The following GRIN2B variants were observed in gnomAD, a reference collection of about 807,000 sequenced individuals.
GRIN2B encodes the protein glutamate ionotropic receptor NMDA type subunit 2B.
Under a neutral mutation model 114.5 loss-of-function variants are expected in GRIN2B, and 5 were observed. That is an observed-to-expected ratio of 0.04 (90% CI 0.02 to 0.09). GRIN2B has a LOEUF of 0.09. GRIN2B is among the 10% of genes least tolerant of loss of function. The pLI is 1.00. For missense variants in GRIN2B, 1,108 were observed against 1,943.5 expected (o/e 0.57, Z 8.08); for synonymous variants, 787 against 745.1 (o/e 1.06, Z -0.92).
intron 2 of GRIN2B, among the ~76,000 whole-genome samples, chr12:13,945,150 A>G (rs553522822): frequency 1.2e-3 from 180 of 152,322 alleles, no homozygotes; most frequent in Non-Finnish European, 1.5e-3. Context: ...CAGGGTCTAA[A>G]CAAATTGTGG....
chr12:13,770,901 T>C (rs889665384), intron 3 of GRIN2B, among the ~76,000 whole-genome samples: 25 of 152,168 alleles, frequency 1.6e-4, no homozygotes, highest in Non-Finnish European at 4.4e-5. Context: ...CTACAAAGTT[T>C]TACTCCCCGT....
chr12:13,570,949 G>C (rs1948699771), intron 11 of GRIN2B, among the ~76,000 whole-genome samples: 1 of 152,218 alleles, frequency 6.6e-6, no homozygotes, highest in Non-Finnish European at 1.5e-5. Flanking sequence ...AGTGGGTGTA[G>C]CAGTGGTCAG....
In GRIN2B at chr12:13,545,937, T is replaced by A. The variant is rs1221485843; in HGVS notation, c.*16846A>T. 2 of 152,228 alleles carry A rather than the reference T, an allele frequency of 1.3e-5. No homozygotes were observed. The highest frequency in any genetic ancestry group is 4.8e-5 in the African/African-American group (2 of 41,458). 9.4% of individuals were successfully genotyped at this position (152,228 alleles called of 1,614,324 possible). On this transcript the variant is annotated 3_prime_UTR_variant, in exon 14 of 14. Transcript: ENST00000609686. ...AATTCCATGTTAATATGTGTAAGAC[T>A]CAGGATTAAATCAATCTGTAAAATG... is the stretch of plus-strand genomic sequence containing the variant.
chr12:13,649,140 T>G (rs1949791292), intron 5 of GRIN2B, among the ~76,000 whole-genome samples: 1 of 152,022 alleles, frequency 6.6e-6, no homozygotes, highest in Admixed American at 6.6e-5. Context: ...TGCCAGGGGT[T>G]GTTAGGAATA....
chr12:13,872,460 A>G (rs1215902377), intron 2 of GRIN2B, among the ~76,000 whole-genome samples: 1 of 151,884 alleles, frequency 6.6e-6, no homozygotes, highest in Non-Finnish European at 1.5e-5. Context: ...GACTCAAAAA[A>G]AAAAAAAAAA....
intron 3 of GRIN2B, among the ~76,000 whole-genome samples, chr12:13,851,942 G>C (rs1047663271): frequency 2.0e-5 from 3 of 152,132 alleles, no homozygotes; most frequent in Non-Finnish European, 4.4e-5. Flanking sequence ...AGGAGGAGGA[G>C]GGTGGGTGGG....
At chr12:13,843,306 T>A (rs1451080446) in intron 3 of GRIN2B, among the ~76,000 whole-genome samples, 2 of 151,922 alleles carry the variant, frequency 1.3e-5, no homozygotes, top group African/African-American at 4.8e-5. Flanking sequence ...GATTGCTGAT[T>A]ACTATGAGTG....
At chr12:13,968,272 G>C (rs1452147279) in intron 2 of GRIN2B, among the ~76,000 whole-genome samples, 1 of 152,214 alleles carries the variant, frequency 6.6e-6, no homozygotes, top group Non-Finnish European at 1.5e-5. Context: ...TGGCTATTTG[G>C]AGCAGGATGC....
At chr12:13,821,978 A>G (rs1193371289) in intron 3 of GRIN2B, among the ~76,000 whole-genome samples, 2 of 152,314 alleles carry the variant, frequency 1.3e-5, no homozygotes, top group East Asian at 3.9e-4. Context: ...CTCAGCCATG[A>G]AATATGTCCT....
chr12:13,789,078 T>G (rs530522116), intron 3 of GRIN2B, among the ~76,000 whole-genome samples: 7 of 151,860 alleles, frequency 4.6e-5, no homozygotes, highest in African/African-American at 1.7e-4. Flanking sequence ...GGTTGTTGTT[T>G]TTTTTCCTAT....
intron 2 of GRIN2B, among the ~76,000 whole-genome samples, chr12:13,902,450 C>CAA (rs1023539436): frequency 6.6e-6 from 1 of 151,774 alleles, no homozygotes; most frequent in African/African-American, 2.4e-5. Flanking sequence ...AAAAATGAAC[C>CAA]AAAAAAACAA....
In GRIN2B at chr12:13,658,205, C is replaced by G. The variant is rs926308221; in HGVS notation, c.1125+17540G>C. Among the ~76,000 whole-genome samples, 32 of 146,134 alleles carry G rather than the reference C, an allele frequency of 2.2e-4. 1 individual carries two copies. In the East Asian group the frequency reaches 6.2e-3, roughly 28 times the overall value. On this transcript the variant is annotated intron_variant, in intron 5 of 13. Transcript: ENST00000609686. The stretch of plus-strand genomic sequence containing the variant: ...CTGGGCAACAAGAGCAAAACTCCAT[C>G]TAAAAAAAAAAAAAGCTAAAAAGCC...
At chr12:13,856,560 C>T (rs1036500573) in intron 3 of GRIN2B, among the ~76,000 whole-genome samples, 6 of 152,124 alleles carry the variant, frequency 3.9e-5, no homozygotes, top group African/African-American at 1.2e-4. Context: ...AGGGAGGGCT[C>T]TAAGTTGATT....
At chr12:13,697,327 G>C (rs1950270176) in intron 4 of GRIN2B, among the ~76,000 whole-genome samples, 1 of 152,142 alleles carries the variant, frequency 6.6e-6, no homozygotes. Flanking sequence ...AAACAGAACA[G>C]TCTATTGAGT....
In GRIN2B at chr12:13,685,923, A is replaced by G. The variant is rs180798625; in HGVS notation, c.1011-10064T>C. ...TGGGCTACAGTTCAGTGAGATGAAC[A>G]GTCTCTAACAGTAGGGTTGGTTTTA... On this transcript the variant is annotated intron_variant, in intron 4 of 13. Coordinates refer to ENST00000609686, the MANE Select transcript of GRIN2B (RefSeq NM_000834.5). Among the ~76,000 whole-genome samples, 302 of 152,298 alleles carry G rather than the reference A, an allele frequency of 2.0e-3. No individual in the cohort carries two copies. The Middle Eastern group carries it at 0.02, about 10-fold the overall frequency.
chr12:13,759,365 T>C (rs1863638260), intron 3 of GRIN2B, among the ~76,000 whole-genome samples: 1 of 152,140 alleles, frequency 6.6e-6, no homozygotes, highest in Non-Finnish European at 1.5e-5. Context: ...AAGGCATGCC[T>C]AAAAAGTTAT....
In GRIN2B at chr12:13,545,541, C is replaced by T. The variant is rs1948331975; in HGVS notation, c.*17242G>A. The stretch of plus-strand genomic sequence containing the variant: ...AAAATAAGAGCTCCAGTAAACAAAA[C>T]AATGCAAGCAAGGAAACAACTCCTC... On this transcript the variant is annotated 3_prime_UTR_variant, in exon 14 of 14. Coordinates refer to ENST00000609686, the MANE Select transcript of GRIN2B (RefSeq NM_000834.5). 2 of 152,074 alleles carry T rather than the reference C, an allele frequency of 1.3e-5. No individual in the cohort carries two copies. The highest frequency in any genetic ancestry group is 1.3e-4 in the Admixed American group (2 of 15,260). 9.4% of individuals were successfully genotyped at this position (152,074 alleles called of 1,614,324 possible). A position where few individuals can be genotyped will look rare whatever the true frequency, so the allele number is the denominator to read the frequency against.
At chr12:13,652,208 C>A (rs1266982636) in intron 5 of GRIN2B, among the ~76,000 whole-genome samples, 3 of 151,808 alleles carry the variant, frequency 2.0e-5, no homozygotes, top group African/African-American at 7.3e-5. Flanking sequence ...CTTGAAGGTT[C>A]ACTTCAAATG....
At chr12:13,587,344 C>CT (rs112925422) in intron 10 of GRIN2B, among the ~76,000 whole-genome samples, 1,705 of 138,940 alleles carry the variant, frequency 0.012, 27 homozygotes, top group African/African-American at 0.031. Flanking sequence ...CTTTTTATTT[C>CT]TTTTTTTTTT....
Sources: gnomAD v4.1 joint callset for allele counts (sites outside exome capture counted in the v4.1 genomes callset) on GRCh38, gnomAD v4.1.1 for gene constraint, MANE v1.5 for transcripts, NCBI Gene and HGNC (gene_info 2026-07-23, HGNC 2026-07-21) for gene names.